The following BLK variants were observed in gnomAD, a reference collection of about 807,000 sequenced individuals.
BLK encodes BLK proto-oncogene, Src family tyrosine kinase.
Under a neutral mutation model 61.8 loss-of-function variants are expected in BLK, and 64 were observed. That is an observed-to-expected ratio of 1.03 (90% confidence interval 0.85 to 1.27). BLK has a LOEUF of 1.27. Among genes scored for constraint, BLK ranks in the 50% most tolerant of loss-of-function variants. The pLI is 0.00. For synonymous variants in BLK, 351 were observed against 272.0 expected (o/e 1.29, Z -2.86); for missense variants, 853 against 660.5 (o/e 1.29, Z -3.19).
intron 3 of BLK, among the ~76,000 whole-genome samples, chr8:11,547,005 G>A (rs7820492): frequency 0.38 from 57,968 of 152,100 alleles, 11,828 homozygotes; most frequent in Middle Eastern, 0.48. Flanking sequence ...GTGACTTCCC[G>A]CAGCCTCCTC....
At chr8:11,557,891 C>A in intron 9 of BLK, 71 bp from the exon 10 acceptor site, 2 of 1,423,052 alleles carry the variant, frequency 1.4e-6, no homozygotes, top group Non-Finnish European at 2.0e-6. Flanking sequence ...GCCACTCACA[C>A]CAGAGAGAGG....
In BLK at chr8:11,558,063, A is replaced by G. The variant is rs4841557; in HGVS notation, c.1029+25A>G. ...GGTTGGTGAAGTACCAGGTGCAGAGAAAGGGCGGCATGTGCCACCTGCTGC... is the reference window on the plus strand; with the variant it reads ...GGTTGGTGAAGTACCAGGTGCAGAGGAAGGGCGGCATGTGCCACCTGCTGC... On this transcript the variant is annotated intron_variant, in intron 10 of 12. Transcript: ENST00000259089. The G allele has an allele frequency of 0.58, 938,890 of 1,611,546 alleles. 283,195 individuals are homozygous for G. Among genetic ancestry groups the G allele is most frequent in the African/African-American group, 0.64 (47,668 of 74,916 alleles).
chr8:11,496,263 G>A (rs557276475), intron 1 of BLK, among the ~76,000 whole-genome samples: 1 of 152,172 alleles, frequency 6.6e-6, no homozygotes, highest in Non-Finnish European at 1.5e-5. Flanking sequence ...TCAGAGATGG[G>A]GTCTTGCTCT....
chr8:11,523,261 A>G (rs1799524116), intron 1 of BLK, among the ~76,000 whole-genome samples: 1 of 152,236 alleles, frequency 6.6e-6, no homozygotes, highest in Non-Finnish European at 1.5e-5. Flanking sequence ...CATAATACAA[A>G]CACAAAGTTC....
At chr8:11,538,855 CT>C (rs1800249436) in intron 1 of BLK, among the ~76,000 whole-genome samples, 1 of 152,144 alleles carries the variant, frequency 6.6e-6, no homozygotes, top group Non-Finnish European at 1.5e-5. Context: ...GGCTCCAGGC[CT>C]TATGCTCCTC....
intron 1 of BLK, among the ~76,000 whole-genome samples, chr8:11,512,916 T>G (rs1411075929): frequency 6.6e-6 from 1 of 152,144 alleles, no homozygotes; most frequent in Non-Finnish European, 1.5e-5. Context: ...ATCTGCCCGC[T>G]TCGGCCTCCC....
chr8:11,525,458 G>T (rs1799618015), intron 1 of BLK, among the ~76,000 whole-genome samples: 2 of 147,156 alleles, frequency 1.4e-5, no homozygotes, highest in Admixed American at 1.4e-4. Flanking sequence ...ACACAAGCAG[G>T]ATTATATCAT....
At chr8:11,503,445 A>AG (rs1208134531) in intron 1 of BLK, among the ~76,000 whole-genome samples, 2 of 152,030 alleles carry the variant, frequency 1.3e-5, no homozygotes, top group Non-Finnish European at 2.9e-5. Context: ...CCAAAGGGAG[A>AG]GGTGCAGCTT....
At chr8:11,558,919 C>T (rs6988443) in intron 10 of BLK, 245,989 of 455,632 alleles carry the variant, frequency 0.54, 70,074 homozygotes, top group Non-Finnish European at 0.62. Context: ...TACCCAGTAG[C>T]GCCGCTGCAG....
At chr8:11,558,336 A>G (rs1563123345) in intron 10 of BLK, 1 of 429,168 alleles carries the variant, frequency 2.3e-6, no homozygotes, top group East Asian at 5.0e-5. Flanking sequence ...GGGCGAATGA[A>G]TGTCATGGGA....
At chr8:11,544,343 G>T (rs1229145942) in intron 2 of BLK, among the ~76,000 whole-genome samples, 1 of 152,028 alleles carries the variant, frequency 6.6e-6, no homozygotes, top group Non-Finnish European at 1.5e-5. Flanking sequence ...GGGGCAGTTG[G>T]GAGCCTTGCC....
At chr8:11,525,068 T>C (rs1358252638) in intron 1 of BLK, among the ~76,000 whole-genome samples, 2 of 152,334 alleles carry the variant, frequency 1.3e-5, no homozygotes, top group East Asian at 1.9e-4. Flanking sequence ...GGGGAAAGCA[T>C]ATTTAATGTG....
intron 2 of BLK, among the ~76,000 whole-genome samples, 163 bp downstream of exon 2, chr8:11,543,510 C>T (rs182773689): frequency 5.9e-5 from 9 of 152,300 alleles, no homozygotes; most frequent in Admixed American, 3.3e-4. Flanking sequence ...GCACAGGACC[C>T]GGCCTGGTTA....
In BLK at chr8:11,561,541, C is replaced by G. The variant is rs904346710; in HGVS notation, c.1180+89C>G. 9.9e-6 allele frequency: 15 copies of G among 1,515,266 alleles called. No homozygotes were observed. In the African/African-American group the frequency reaches 1.2e-4, roughly 13 times the overall value. The allele number at this position is 1,515,266 out of a possible 1,614,324, so 93.9% of individuals were successfully genotyped here. A position where few individuals can be genotyped will look rare whatever the true frequency, so the allele number is the denominator to read the frequency against. On this transcript the variant is annotated intron_variant, in intron 11 of 12. Coordinates refer to ENST00000259089, the MANE Select transcript of BLK (RefSeq NM_001715.3). Reference sequence around the variant, plus strand: ...GCCTTTAACTTCTCCCAGCACAGCCCTGAGGGAAGACACCTGAGGGCTATA... The same window carrying G: ...GCCTTTAACTTCTCCCAGCACAGCCGTGAGGGAAGACACCTGAGGGCTATA...
intron 1 of BLK, among the ~76,000 whole-genome samples, chr8:11,497,982 G>T (rs1167347258): frequency 6.6e-6 from 1 of 152,206 alleles, no homozygotes; most frequent in Non-Finnish European, 1.5e-5. Flanking sequence ...CGGAATGGGG[G>T]TCCAGAGCCC....
intron 1 of BLK, among the ~76,000 whole-genome samples, chr8:11,511,522 TTCTC>T (rs2117288515): frequency 6.6e-6 from 1 of 152,332 alleles, no homozygotes; most frequent in South Asian, 2.1e-4. Context: ...TTGATTTGCT[TTCTC>T]TCTTAGAAAT....
chr8:11,561,004 T>C (rs1430425294), intron 10 of BLK: 1 of 589,074 alleles, frequency 1.7e-6, no homozygotes, highest in Non-Finnish European at 3.2e-6. Flanking sequence ...CTCCTGCCTG[T>C]GTTCTTCTAT....
chr8:11,520,338 G>A (rs1347061882), intron 1 of BLK, among the ~76,000 whole-genome samples: 3 of 151,872 alleles, frequency 2.0e-5, no homozygotes, highest in African/African-American at 7.3e-5. Flanking sequence ...CTAGCCAGGT[G>A]TGGTGGTGCA....
In BLK at chr8:11,543,306, G is replaced by C; in HGVS notation, c.82G>C (p.Val28Leu). The change falls in exon 2 of 13, where the codon GTC (valine) becomes CTC (leucine). Residue 28 changes from valine (V) to leucine (L), a missense_variant. Transcript: ENST00000259089. ...KDKGQWSPLK[V>L]SAQDKDAPPL... ...CAAGGGCCAATGGAGCCCCCTGAAG[G>C]TCAGCGCCCAAGACAAGGACGCCCC... 1 of 1,613,694 alleles carries C rather than the reference G, an allele frequency of 6.2e-7. No homozygotes were observed. The highest frequency in any genetic ancestry group is 8.5e-7 in the Non-Finnish European group (1 of 1,180,012).
Sources: gnomAD v4.1 joint callset for allele counts (sites outside exome capture counted in the v4.1 genomes callset) on GRCh38, gnomAD v4.1.1 for gene constraint, MANE v1.5 for transcripts, NCBI Gene and HGNC (gene_info 2026-07-23, HGNC 2026-07-21) for gene names.